Variants in NDUFA10 observed in about 807,000 individuals in gnomAD.
The protein encoded by NDUFA10 is NADH dehydrogenase [ubiquinone] 1 alpha subcomplex subunit 10, mitochondrial.
NDUFA10 carries 40 observed loss-of-function variants against 47.8 expected under a neutral mutation model. The observed-to-expected ratio is 0.84, with a 90% CI of 0.65 to 1.09. The LOEUF is 1.09. Ranked by LOEUF, NDUFA10 falls within the 50% of genes least tolerant of loss-of-function variation. The probability of loss-of-function intolerance (pLI) is 0.00; values close to 1 mark genes in which losing one functional copy is unlikely to be tolerated. For synonymous variants in NDUFA10, 183 were observed against 172.2 expected (o/e 1.06, Z -0.49); for missense variants, 413 against 451.1 (o/e 0.92, Z 0.76).
At chr2:239,894,131 CCAT>C (rs1559254587) in intron 5 of NDUFA10, among the ~76,000 whole-genome samples, 1 of 149,660 alleles carries the variant, frequency 6.7e-6, no homozygotes, top group Non-Finnish European at 1.5e-5. Context: ...ATCCTAAGCT[CCAT>C]CATCCCAGCC....
chr2:239,922,802 TC>T (rs1488505209), intron 4 of NDUFA10, among the ~76,000 whole-genome samples: 1 of 152,010 alleles, frequency 6.6e-6, no homozygotes, highest in African/African-American at 2.4e-5. Context: ...ACCCTAAGAA[TC>T]CCCGGCCCCA....
chr2:239,977,351 C>G (rs915390305), intron 9 of NDUFA10, among the ~76,000 whole-genome samples: 1 of 152,176 alleles, frequency 6.6e-6, no homozygotes, highest in Non-Finnish European at 1.5e-5. Flanking sequence ...CTGAGTATGG[C>G]GTGCTAGGCC....
intron 4 of NDUFA10, among the ~76,000 whole-genome samples, chr2:239,902,304 CCCTATGCAGTCAGCAGCCACCAA>C (rs1157315870): frequency 6.6e-6 from 1 of 151,166 alleles, no homozygotes; most frequent in African/African-American, 2.4e-5. Context: ...GCAGCCACTA[CCCTATGCAGTCAGCAGCCACCAA>C]CTCCAGACAA....
At chr2:239,996,516 T>A (rs1190391443) in intron 8 of NDUFA10, among the ~76,000 whole-genome samples, 3 of 152,244 alleles carry the variant, frequency 2.0e-5, no homozygotes, top group African/African-American at 7.2e-5. Flanking sequence ...TATCCACATT[T>A]GTGTGATACA....
rs1486999958 is a variant in NDUFA10 at position 239,906,747 on chromosome 2, TGAAATAAAAGAG to T, written c.295-11445_295-11434del. Among the ~76,000 whole-genome samples, 1 of 151,988 alleles carries T rather than the reference TGAAATAAAAGAG, an allele frequency of 6.6e-6. No individual in the cohort carries two copies. The highest frequency in any genetic ancestry group is 2.4e-5 in the African/African-American group (1 of 41,340). ...AGGAGTACTACAAACCACCGCTCAA[TGAAATAAAAGAG>T]GACACAAACAAATGGAAGAATATTC... is the stretch of plus-strand genomic sequence containing the variant. On this transcript the variant is annotated intron_variant, in intron 4 of 5. Coordinates refer to the NDUFA10 transcript ENST00000419408. The surrounding 1 kb of genome is among the most constrained non-coding windows in gnomAD (Gnocchi z 4.3).
intron 4 of NDUFA10, among the ~76,000 whole-genome samples, chr2:239,929,136 C>T (rs1453075540): frequency 6.6e-6 from 1 of 152,218 alleles, no homozygotes; most frequent in Non-Finnish European, 1.5e-5. Flanking sequence ...CGCCACCCGG[C>T]GTCTCCAAAG....
At chr2:239,923,516 A>T (rs1694021922) in intron 4 of NDUFA10, among the ~76,000 whole-genome samples, 1 of 152,240 alleles carries the variant, frequency 6.6e-6, no homozygotes, top group Admixed American at 6.5e-5. Flanking sequence ...CAACAGATTT[A>T]TAAATAATAC....
At position 240,019,584 on chromosome 2, in the gene NDUFA10, C is replaced by T. The variant is rs536678231; in HGVS notation, c.461-945G>A. On this transcript the variant is annotated intron_variant, in intron 3 of 9. Coordinates refer to ENST00000252711, the MANE Select transcript of NDUFA10 (RefSeq NM_004544.4). Reference sequence around the variant, plus strand: ...CTGTAATCCCAGCACTTTGGGAGGCCGAGGCGGGCGGATCACGAGGTCAGG... The same window carrying T: ...CTGTAATCCCAGCACTTTGGGAGGCTGAGGCGGGCGGATCACGAGGTCAGG... Among the ~76,000 whole-genome samples the T allele has an allele frequency of 4.0e-4, 11 of 27,688 alleles. 3 individuals are homozygous for T. Among genetic ancestry groups the T allele is most frequent in the Non-Finnish European group, 7.9e-4 (10 of 12,590 alleles). 18.2% of individuals were successfully genotyped at this position (27,688 alleles called of 152,430 possible).
At chr2:239,989,093 C>T (rs1414314705) in intron 9 of NDUFA10, among the ~76,000 whole-genome samples, 1 of 152,226 alleles carries the variant, frequency 6.6e-6, no homozygotes, top group Non-Finnish European at 1.5e-5. Flanking sequence ...CACTCACACA[C>T]GTGTACAAAG....
At chr2:239,998,675 G>C (rs1696582682) in intron 8 of NDUFA10, among the ~76,000 whole-genome samples, 2 of 152,232 alleles carry the variant, frequency 1.3e-5, no homozygotes, top group Admixed American at 1.3e-4. Flanking sequence ...TTGCGAAGCA[G>C]AGGATTCCTA....
At chr2:239,935,480 T>G (rs1466698380) in intron 4 of NDUFA10, among the ~76,000 whole-genome samples, 1 of 152,168 alleles carries the variant, frequency 6.6e-6, no homozygotes, top group Non-Finnish European at 1.5e-5. Flanking sequence ...ATTTCTGCAT[T>G]TGTCCCCATC....
intron 4 of NDUFA10, among the ~76,000 whole-genome samples, chr2:239,911,553 A>G (rs1363889156): frequency 6.6e-6 from 1 of 152,186 alleles, no homozygotes; most frequent in Non-Finnish European, 1.5e-5. Flanking sequence ...CTTCCTTCAC[A>G]GTTTCAGTAC....
intron 4 of NDUFA10, among the ~76,000 whole-genome samples, chr2:239,942,168 A>G (rs1279689825): frequency 1.3e-5 from 2 of 152,260 alleles, no homozygotes; most frequent in African/African-American, 4.8e-5. Context: ...AGTTCACAAC[A>G]GTTTTCATCC....
At chr2:239,894,463 C>A (rs1028667278) in intron 5 of NDUFA10, among the ~76,000 whole-genome samples, 3 of 151,706 alleles carry the variant, frequency 2.0e-5, no homozygotes, top group Admixed American at 6.6e-5. Flanking sequence ...GAGAGCCTTG[C>A]AAGTTTCCTG....
At position 240,004,251 on chromosome 2, in the gene NDUFA10, T is replaced by C. The variant is rs947368435; in HGVS notation, c.890+959A>G. On this transcript the variant is annotated intron_variant, in intron 8 of 9. Transcript: ENST00000252711. ...AAGACAGACAAGGGTCTGCCGCATC[T>C]GGAATGGCGAGGCCGTCTCCTTGGC... Among the ~76,000 whole-genome samples the C allele has an allele frequency of 3.3e-5, 5 of 152,158 alleles. No homozygotes were observed. In the South Asian group the frequency reaches 1.0e-3, roughly 31 times the overall value.
In NDUFA10 at chr2:239,958,932, G is replaced by GT. The variant is rs1694736422; in HGVS notation, c.*2185dup. The GT allele has an allele frequency of 1.0e-6, 1 of 985,132 alleles. No individual in the cohort carries two copies. Among genetic ancestry groups the GT allele is most frequent in the Non-Finnish European group, 1.2e-6 (1 of 829,772 alleles). The allele number at this position is 985,132 out of a possible 1,614,324, so 61.0% of individuals were successfully genotyped here. ...AAAATGCACGATTATTTTGATCCTG[G>GT]TTTGTTGGTGCTGTTGTTTTAGTTG... On this transcript the variant is annotated 3_prime_UTR_variant, in exon 10 of 10. Coordinates refer to ENST00000252711, the MANE Select transcript of NDUFA10 (RefSeq NM_004544.4).
At chr2:239,923,001 G>C (rs1694013569) in intron 4 of NDUFA10, among the ~76,000 whole-genome samples, 1 of 152,230 alleles carries the variant, frequency 6.6e-6, no homozygotes, top group Non-Finnish European at 1.5e-5. Context: ...CTTAAAAGAA[G>C]AGAAGTATGA....
At chr2:239,927,043 G>A (rs770160625) in intron 4 of NDUFA10, among the ~76,000 whole-genome samples, 3 of 152,036 alleles carry the variant, frequency 2.0e-5, no homozygotes, top group Non-Finnish European at 4.4e-5. Flanking sequence ...ACGATTCAAC[G>A]GCCTCCCACC....
chr2:239,951,765 A>T (rs995766121), intron 4 of NDUFA10, among the ~76,000 whole-genome samples: 2 of 152,270 alleles, frequency 1.3e-5, no homozygotes, highest in African/African-American at 4.8e-5. Flanking sequence ...AAGTGATCAT[A>T]AAGTATTTGT....
Sources: allele counts gnomAD v4.1 joint callset (sites outside exome capture counted in the v4.1 genomes callset), GRCh38; gene constraint gnomAD v4.1.1; non-coding constraint Gnocchi (gnomAD v3.1); transcripts MANE v1.5; gene names NCBI Gene and HGNC (gene_info 2026-07-23, HGNC 2026-07-21).